Variants in WAC observed in about 807,000 individuals in gnomAD.
WAC encodes WW domain-containing adapter protein with coiled-coil.
In WAC, 11 loss-of-function variants were observed where a neutral mutation model predicts 79.6. The ratio of observed to expected loss-of-function variants is 0.14; its 90% CI spans 0.09 to 0.23. The LOEUF (loss-of-function observed/expected upper bound fraction) is 0.23. WAC is among the 10% of genes least tolerant of loss of function. The pLI is 1.00. For synonymous variants in WAC, 304 were observed against 276.9 expected (o/e 1.10, Z -0.97); for missense variants, 728 against 773.5 (o/e 0.94, Z 0.70).
rs145253179 is a variant in WAC, at chr10:28,594,408, A to G, written c.611-1325A>G. Among the ~76,000 whole-genome samples, 40 of 152,322 alleles carry G rather than the reference A, an allele frequency of 2.6e-4. 1 individual carries two copies. In the East Asian group the frequency reaches 7.5e-3, roughly 29 times the overall value. On this transcript the variant is annotated intron_variant, in intron 6 of 13. Coordinates refer to ENST00000354911, the MANE Select transcript of WAC (RefSeq NM_016628.5). Reference sequence around the variant, plus strand: ...TGTAGAATAAAACTTTTTAAATTTTATGTTCATGCAAGTTGATAGCTTACT... The same window carrying G: ...TGTAGAATAAAACTTTTTAAATTTTGTGTTCATGCAAGTTGATAGCTTACT...
chr10:28,586,581 A>G (rs1198898722), intron 4 of WAC, among the ~76,000 whole-genome samples: 1 of 152,138 alleles, frequency 6.6e-6, no homozygotes, highest in African/African-American at 2.4e-5. Context: ...AACTACTTGG[A>G]AGGCTGAAGC....
chr10:28,561,308 A>G (rs1838288949), intron 3 of WAC, among the ~76,000 whole-genome samples: 1 of 152,222 alleles, frequency 6.6e-6, no homozygotes, highest in South Asian at 2.1e-4. Flanking sequence ...TTACACATAA[A>G]GGAAGCCCCC....
chr10:28,601,648 C>G lies in WAC; in HGVS notation c.919+5607C>G, dbSNP rs183658626. Among the ~76,000 whole-genome samples, 28 of 152,232 alleles carry G rather than the reference C, an allele frequency of 1.8e-4. No homozygotes were observed. In the East Asian group the frequency reaches 5.0e-3, roughly 27 times the overall value. Reference sequence around the variant, plus strand: ...ACAACAGACAAACATTAGATAGAAACAATCAAGTGTTCATTAGCAGATGAA... The same window carrying G: ...ACAACAGACAAACATTAGATAGAAAGAATCAAGTGTTCATTAGCAGATGAA... On this transcript the variant is annotated intron_variant, in intron 7 of 13. Transcript: ENST00000354911.
intron 3 of WAC, among the ~76,000 whole-genome samples, chr10:28,557,957 C>A (rs1338072567): frequency 3.8e-4 from 57 of 151,630 alleles, no homozygotes; most frequent in Admixed American, 3.6e-3. Context: ...GCCTGTAGTC[C>A]CAGCTACTTG....
At chr10:28,570,178 C>T (rs1203341666) in intron 3 of WAC, among the ~76,000 whole-genome samples, 1 of 152,174 alleles carries the variant, frequency 6.6e-6, no homozygotes, top group Non-Finnish European at 1.5e-5. Context: ...TTTAATACCA[C>T]ATATTTTTGG....
intron 3 of WAC, among the ~76,000 whole-genome samples, chr10:28,572,237 C>T (rs529127161): frequency 3.1e-4 from 46 of 149,858 alleles, no homozygotes; most frequent in African/African-American, 1.1e-3. Context: ...CTTGAGAGGC[C>T]GAGGCAGGAG....
chr10:28,569,146 A>G (rs918442397), intron 3 of WAC, among the ~76,000 whole-genome samples: 1 of 152,342 alleles, frequency 6.6e-6, no homozygotes, highest in African/African-American at 2.4e-5. Flanking sequence ...GAAAAACTAT[A>G]AGGAGACTCA....
intron 3 of WAC, among the ~76,000 whole-genome samples, chr10:28,536,219 G>C (rs565025381): frequency 6.8e-6 from 1 of 147,526 alleles, no homozygotes; most frequent in Non-Finnish European, 1.5e-5. Context: ...CTGCACTCCA[G>C]CCTGGGTGCT....
chr10:28,571,898 T>A (rs887781634), intron 3 of WAC, among the ~76,000 whole-genome samples: 1 of 152,248 alleles, frequency 6.6e-6, no homozygotes, highest in East Asian at 1.9e-4. Context: ...TTTTAGAATC[T>A]TATTATAATT....
chr10:28,574,195 C>G (rs934346258), intron 3 of WAC, among the ~76,000 whole-genome samples: 2 of 152,006 alleles, frequency 1.3e-5, no homozygotes, highest in Non-Finnish European at 2.9e-5. Flanking sequence ...CAGTCTTGCT[C>G]TGTGTACAGT....
intron 13 of WAC, among the ~76,000 whole-genome samples, chr10:28,618,485 G>GC (rs1297225132): frequency 3.9e-5 from 6 of 152,184 alleles, no homozygotes; most frequent in Non-Finnish European, 8.8e-5. Context: ...GGTACTCTCT[G>GC]AGTAACAACT....
chr10:28,548,238 C>T (rs1249261467), intron 3 of WAC, among the ~76,000 whole-genome samples: 1 of 151,964 alleles, frequency 6.6e-6, no homozygotes, highest in African/African-American at 2.4e-5. Flanking sequence ...TTTTAATTTT[C>T]TAAAGACCCT....
chr10:28,611,863 A>G lies in WAC; in HGVS notation c.1378A>G (p.Thr460Ala). The G allele has an allele frequency of 6.2e-7, 1 of 1,614,084 alleles. No homozygotes were observed. The highest frequency in any genetic ancestry group is 8.5e-7 in the Non-Finnish European group (1 of 1,180,020). Residue 460 changes from threonine to alanine, a missense_variant, in exon 10 of 14, where the codon ACT (threonine) becomes GCT (alanine). Coordinates refer to ENST00000354911, the MANE Select transcript of WAC (RefSeq NM_016628.5). ...TTCTCCAAGAATAAGCACACCTCAA[A>G]CTAACACAGTCCCTATCAAACCTTT... ...YVSPRISTPQ[T>A]NTVPIKPLIS...
chr10:28,600,884 T>G (rs1353903798), intron 7 of WAC, among the ~76,000 whole-genome samples: 1 of 150,490 alleles, frequency 6.6e-6, no homozygotes, highest in Non-Finnish European at 1.5e-5. Flanking sequence ...AATAGAACAG[T>G]GGACAATCCA....
chr10:28,535,396 G>T (rs935324518), intron 2 of WAC, 166 bp from the exon 3 acceptor site: 5 of 758,288 alleles, frequency 6.6e-6, no homozygotes, highest in African/African-American at 1.8e-5. Flanking sequence ...TAAGCATTAG[G>T]TTTTTTGTCT....
At chr10:28,559,614 T>A (rs1838197768) in intron 3 of WAC, among the ~76,000 whole-genome samples, 1 of 152,214 alleles carries the variant, frequency 6.6e-6, no homozygotes. Context: ...AGTGGGCTGA[T>A]ACAAGGATGT....
chr10:28,541,125 G>T (rs1589125574), intron 3 of WAC, among the ~76,000 whole-genome samples: 1 of 152,056 alleles, frequency 6.6e-6, no homozygotes, highest in Non-Finnish European at 1.5e-5. Context: ...TAATTGAACT[G>T]TTTTCTAGTT....
intron 3 of WAC, among the ~76,000 whole-genome samples, chr10:28,541,420 G>GTTT (rs869099181): frequency 1.2e-4 from 6 of 49,210 alleles, no homozygotes; most frequent in African/African-American, 2.2e-4. Context: ...TGTGTGTTTT[G>GTTT]TTTTTTTTTT....
intron 2 of WAC, chr10:28,534,407 A>G: frequency 4.6e-6 from 1 of 216,304 alleles, no homozygotes; most frequent in African/African-American, 2.3e-5. Flanking sequence ...GTTAATGTAA[A>G]GGTATTAAAA....
Sources: allele counts gnomAD v4.1 joint callset (sites outside exome capture counted in the v4.1 genomes callset), GRCh38; gene constraint gnomAD v4.1.1; transcripts MANE v1.5; gene names NCBI Gene and HGNC (gene_info 2026-07-23, HGNC 2026-07-21).